Variants in TMTC4 observed in about 807,000 individuals in gnomAD.
The protein encoded by TMTC4 is transmembrane O-mannosyltransferase targeting cadherins 4, also known as protein O-mannosyl-transferase TMTC4.
In TMTC4, 65 loss-of-function variants were observed where a neutral mutation model predicts 86.0. That is an observed-to-expected ratio of 0.76 (90% CI 0.62 to 0.93). The LOEUF (loss-of-function observed/expected upper bound fraction) is 0.93. Among genes scored for constraint, TMTC4 ranks in the 40% least tolerant of loss-of-function variants. The pLI is 0.00. For missense variants in TMTC4, 866 were observed against 948.1 expected (o/e 0.91, Z 1.14); for synonymous variants, 379 against 382.5 (o/e 0.99, Z 0.11).
chr13:100,608,224 C>T (rs1420422670), intron 17 of TMTC4, among the ~76,000 whole-genome samples: 2 of 152,140 alleles, frequency 1.3e-5, no homozygotes, highest in Non-Finnish European at 2.9e-5. Context: ...TCATTCAGGA[C>T]ATTGAGGAGT....
At chr13:100,656,541 A>ATTTT in intron 5 of TMTC4, 73 bp from the exon 6 acceptor site, 1 of 462,936 alleles carries the variant, frequency 2.2e-6, no homozygotes, top group Non-Finnish European at 3.3e-6. Flanking sequence ...AGGAGACATA[A>ATTTT]CTTTTTTTTT....
In TMTC4 at chr13:100,612,654, TACACACACAC is replaced by T. The variant is rs60782137; in HGVS notation, c.1952-154_1952-145del. The T allele has an allele frequency of 9.9e-3, 4,430 of 447,670 alleles. 35 individuals carry two copies. Among genetic ancestry groups the T allele is most frequent in the African/African-American group, 0.037 (1,685 of 45,072 alleles). The allele number at this position is 447,670 out of a possible 1,614,324, so 27.7% of individuals were successfully genotyped here. A position where few individuals can be genotyped will look rare whatever the true frequency, so the allele number is the denominator to read the frequency against. The stretch of plus-strand genomic sequence containing the variant: ...AAGAAAATCTGTGTAGATCATGTAA[TACACACACAC>T]ACACACACACACACACACACACACA... On this transcript the variant is annotated intron_variant, in intron 16 of 18. Transcript: ENST00000342624.
chr13:100,663,134 C>A lies in TMTC4; in HGVS notation c.382G>T (p.Val128Leu). 1 of 1,614,190 alleles carries A rather than the reference C, an allele frequency of 6.2e-7. No homozygotes were observed. The highest frequency in any genetic ancestry group is 8.5e-7 in the Non-Finnish European group (1 of 1,180,034). Residue 128 changes from valine to leucine, a missense_variant, in exon 5 of 19, where the codon GTG becomes TTG. By Grantham distance (32) the Val-to-Leu change is conservative. Coordinates refer to ENST00000342624, the MANE Select transcript of TMTC4 (RefSeq NM_032813.5). The stretch of plus-strand genomic sequence containing the variant: ...CCACTGTGCAGGAGGATGTTGACCA[C>A]GTGAAAGCCCACGGGGTGGAAGCCT... ...SGGFHPVGFHVVNILLHSGIS... is the reference protein window; with the variant it reads ...SGGFHPVGFHLVNILLHSGIS...
chr13:100,606,180 T>C (rs748148803), intron 18 of TMTC4, among the ~76,000 whole-genome samples, 178 bp downstream of exon 18: 2 of 152,194 alleles, frequency 1.3e-5, no homozygotes, highest in Non-Finnish European at 2.9e-5. Flanking sequence ...GGTCATGCAA[T>C]TGAGATTTGT....
chr13:100,636,520 G>C lies in TMTC4; in HGVS notation c.1202+12C>G. 1 of 1,613,836 alleles carries C rather than the reference G, an allele frequency of 6.2e-7. No homozygotes were observed. Among genetic ancestry groups the C allele is most frequent in the Non-Finnish European group, 8.5e-7 (1 of 1,179,776 alleles). ...ACCAGCGTGGAACTTAAGATTCAGT[G>C]CTGCCTCTTACCTTCTCTTGTGGCC... On this transcript the variant is annotated intron_variant, in intron 10 of 18. Transcript: ENST00000342624.
intron 7 of TMTC4, among the ~76,000 whole-genome samples, chr13:100,639,921 C>A (rs563420558): frequency 1.1e-3 from 167 of 151,114 alleles, no homozygotes; most frequent in Non-Finnish European, 1.6e-3. Flanking sequence ...GCCAGAGCGA[C>A]AAGAGAGAAA....
In TMTC4 at chr13:100,668,774, A is replaced by G; in HGVS notation, c.24T>C (p.Ala8=). 5 of 1,614,216 alleles carry G rather than the reference A, an allele frequency of 3.1e-6. No individual in the cohort carries two copies. Among genetic ancestry groups the G allele is most frequent in the Non-Finnish European group, 4.2e-6 (5 of 1,180,034 alleles). ...CTGCAGGTTGGTGGCTCCCGGCTCC[A>G]GCATTATGCTGGTTAGGAATCTGCA... MIPNQHN[A]GAGSHQPAVF... is the part of the protein sequence containing the mutation. Residue 8 remains alanine (A), a synonymous_variant, in exon 3 of 19, where the codon GCT becomes GCC. Coordinates refer to ENST00000342624, the MANE Select transcript of TMTC4 (RefSeq NM_032813.5).
intron 5 of TMTC4, among the ~76,000 whole-genome samples, chr13:100,658,248 G>A (rs1885342740): frequency 6.6e-6 from 1 of 152,232 alleles, no homozygotes; most frequent in East Asian, 1.9e-4. Flanking sequence ...TGGGTCCTAT[G>A]GGGTATGTCT....
Position 100,666,830 on chromosome 13 carries a change from A to C in TMTC4, c.219+1749T>G, listed in dbSNP as rs114972119. 6.6e-3 allele frequency among the ~76,000 whole-genome samples: 1,001 copies of C among 152,274 alleles called. 12 individuals are homozygous for C. Among genetic ancestry groups the C allele is most frequent in the African/African-American group, 0.023 (952 of 41,546 alleles). ...CAGTGAGACTCTGTCTCTACAAAAA[A>C]ATTTTAAAAGTCAGCTGGGAGTGGT... On this transcript the variant is annotated intron_variant, in intron 3 of 18. Coordinates refer to ENST00000342624, the MANE Select transcript of TMTC4 (RefSeq NM_032813.5).
chr13:100,636,385 G>T, intron 10 of TMTC4, 147 bp downstream of exon 10: 1 of 974,816 alleles, frequency 1.0e-6, no homozygotes, highest in Non-Finnish European at 1.5e-6. Flanking sequence ...CCAAATGGAT[G>T]GAACTCATCC....
rs545194996 is a variant in TMTC4, at chr13:100,617,272, C to T, written c.1837-2842G>A. ...ACCTTGGTCTCCCAGGTAGCTGGGACTACAGGCACATACCACGATGCCCAG... is the reference window on the plus strand; with the variant it reads ...ACCTTGGTCTCCCAGGTAGCTGGGATTACAGGCACATACCACGATGCCCAG... On this transcript the variant is annotated intron_variant, in intron 15 of 18. Coordinates refer to ENST00000342624, the MANE Select transcript of TMTC4 (RefSeq NM_032813.5). Among the ~76,000 whole-genome samples the T allele has an allele frequency of 1.5e-4, 23 of 152,280 alleles. No homozygotes were observed. In the East Asian group the frequency reaches 4.4e-3, roughly 29 times the overall value.
chr13:100,653,805 G>C (rs1235725848), intron 6 of TMTC4, among the ~76,000 whole-genome samples: 4 of 152,210 alleles, frequency 2.6e-5, no homozygotes, highest in Admixed American at 1.3e-4. Context: ...ATAACTCAAA[G>C]CCTGCCAGGG....
At chr13:100,671,447 T>G (rs909079693) in intron 1 of TMTC4, among the ~76,000 whole-genome samples, 1 of 152,158 alleles carries the variant, frequency 6.6e-6, no homozygotes, top group African/African-American at 2.4e-5. Flanking sequence ...CATAAACGTG[T>G]TCTAAGCAAT....
Position 100,669,569 on chromosome 13 carries a change from C to G in TMTC4, c.4-775G>C, listed in dbSNP as rs571334285. ...ATTTTGAACTTTTCTTTCAAATGGG[C>G]ATAATGTTTCTCGCCGGGGATGCCT... is the stretch of plus-strand genomic sequence containing the variant. On this transcript the variant is annotated intron_variant, in intron 2 of 18. Coordinates refer to ENST00000342624, the MANE Select transcript of TMTC4 (RefSeq NM_032813.5). 4.6e-5 allele frequency among the ~76,000 whole-genome samples: 7 copies of G among 152,268 alleles called. No homozygotes were observed. The South Asian group carries it at 6.2e-4, about 14-fold the overall frequency.
At chr13:100,669,238 A>T (rs1305564890) in intron 2 of TMTC4, among the ~76,000 whole-genome samples, 1 of 152,202 alleles carries the variant, frequency 6.6e-6, no homozygotes, top group East Asian at 1.9e-4. Flanking sequence ...CGTGTGTAAA[A>T]CACAACCCTG....
chr13:100,625,855 C>T lies in TMTC4; in HGVS notation c.1624G>A (p.Gly542Arg). 6.2e-7 allele frequency: 1 copy of T among 1,613,726 alleles called. No homozygotes were observed. The highest frequency in any genetic ancestry group is 1.1e-5 in the South Asian group (1 of 91,006). Residue 542 changes from glycine to arginine, a missense_variant, in exon 14 of 19, where the codon GGA (glycine) becomes AGA (arginine). Physicochemically the swap from Gly to Arg is moderately radical, Grantham distance 125. Coordinates refer to ENST00000342624, the MANE Select transcript of TMTC4 (RefSeq NM_032813.5). ...TCATTCCTTTCTTTTAAGATATTTCCAAGATTATTCATGGCATGAACATAC... is the reference window on the plus strand; with the variant it reads ...TCATTCCTTTCTTTTAAGATATTTCTAAGATTATTCATGGCATGAACATAC... Reference protein sequence around the residue: ...PKYVHAMNNLGNILKERNELQ... With the variant: ...PKYVHAMNNLRNILKERNELQ...
At chr13:100,639,653 G>A (rs1882756260) in intron 7 of TMTC4, among the ~76,000 whole-genome samples, 2 of 152,150 alleles carry the variant, frequency 1.3e-5, no homozygotes, top group Non-Finnish European at 2.9e-5. Context: ...AAACGGCACA[G>A]AGGAGGCCTG....
chr13:100,611,357 G>A (rs560104617), intron 17 of TMTC4, among the ~76,000 whole-genome samples: 12 of 152,228 alleles, frequency 7.9e-5, no homozygotes, highest in Non-Finnish European at 1.5e-5. Flanking sequence ...AAGCCGAGGA[G>A]GGTGGATCAC....
chr13:100,618,457 T>G (rs993401214), intron 15 of TMTC4, among the ~76,000 whole-genome samples: 1 of 149,540 alleles, frequency 6.7e-6, no homozygotes, highest in African/African-American at 2.5e-5. Context: ...GCTTCTTGTT[T>G]TTTTTTTTTT....
Sources: allele counts gnomAD v4.1 joint callset (sites outside exome capture counted in the v4.1 genomes callset), GRCh38; gene constraint gnomAD v4.1.1; transcripts MANE v1.5; gene names NCBI Gene and HGNC (gene_info 2026-07-23, HGNC 2026-07-21).